Variants in CEP44 observed in about 807,000 individuals in gnomAD.
CEP44 encodes the protein centrosomal protein of 44 kDa.
In CEP44, 45 loss-of-function variants were observed where a neutral mutation model predicts 46.7. The observed-to-expected ratio is 0.96, with a 90% CI of 0.76 to 1.24. The LOEUF is 1.24. Among genes scored for constraint, CEP44 ranks in the 50% most tolerant of loss-of-function variants. The pLI, the probability that CEP44 is intolerant of heterozygous loss-of-function variation, is 0.00. For missense variants in CEP44, 475 were observed against 459.7 expected (o/e 1.03, Z -0.30); for synonymous variants, 142 against 146.0 (o/e 0.97, Z 0.20).
downstream of CEP44, among the ~76,000 whole-genome samples, chr4:174,322,444 A>G (rs1742383854): frequency 6.6e-6 from 1 of 152,056 alleles, no homozygotes; most frequent in Non-Finnish European, 1.5e-5. Flanking sequence ...CTCCCTCCAA[A>G]TAATGCCCCC....
rs70947423 is a variant in CEP44, at chr4:174,297,651, AGTGTGTGT to A, written c.-147-288_-147-281del. ...CTGAGATATAGGAAGAAACTTTATT[AGTGTGTGT>A]GTGTGTGTGTGTGTGTGTGTGTGTG... is the stretch of plus-strand genomic sequence containing the variant. On this transcript the variant is annotated intron_variant, in intron 1 of 11. Transcript: ENST00000503780. The surrounding 1 kb of genome is among the most constrained non-coding windows in gnomAD (Gnocchi z 4.3). 0.015 allele frequency among the ~76,000 whole-genome samples: 2,245 copies of A among 149,000 alleles called. 38 individuals are homozygous for A. Among genetic ancestry groups the A allele is most frequent in the African/African-American group, 0.045 (1,825 of 40,412 alleles).
chr4:174,317,098 A>G (rs1741818416), intron 11 of CEP44, among the ~76,000 whole-genome samples: 1 of 152,084 alleles, frequency 6.6e-6, no homozygotes. Flanking sequence ...ATAGAAAATT[A>G]TAATATTATT....
rs189229027 is a variant in CEP44 at position 174,326,021 on chromosome 4, A to G, written c.1087-5461A>G. 2.6e-5 allele frequency among the ~76,000 whole-genome samples: 4 copies of G among 152,238 alleles called. No homozygotes were observed. Among genetic ancestry groups the G allele is most frequent in the African/African-American group, 9.6e-5 (4 of 41,544 alleles). ...TTGGTCTTGCTCTTTTATCAAATCT[A>G]AAAATCTCTGGAATGTTTAGATTAT... On this transcript the variant is annotated intron_variant, in intron 8 of 8. Transcript: ENST00000426172. This position sits in a 1 kb window ranked among gnomAD's most constrained non-coding sequence, Gnocchi z 4.8.
At position 174,301,758 on chromosome 4, in the gene CEP44, G is replaced by A. The variant is rs528151390; in HGVS notation, c.90-281G>A. ...AGTAGTAGAAAATGGAGTAGATCACGTAAGACTAAGCTTTGGAAAATCAAT... is the reference window on the plus strand; with the variant it reads ...AGTAGTAGAAAATGGAGTAGATCACATAAGACTAAGCTTTGGAAAATCAAT... On this transcript the variant is annotated intron_variant, in intron 3 of 11. Transcript: ENST00000503780. The surrounding 1 kb of genome is among the most constrained non-coding windows in gnomAD (Gnocchi z 4.3). Among the ~76,000 whole-genome samples the A allele has an allele frequency of 3.3e-5, 5 of 152,242 alleles. No homozygotes were observed. Among genetic ancestry groups the A allele is most frequent in the African/African-American group, 7.2e-5 (3 of 41,554 alleles).
intron 11 of CEP44, 150 bp from the exon 12 acceptor site, chr4:174,317,185 C>A: frequency 2.9e-6 from 1 of 346,138 alleles, no homozygotes. Flanking sequence ...TCCCTCTGGT[C>A]ATACTTAAGT....
At chr4:174,295,544 T>G in intron 1 of CEP44, among the ~76,000 whole-genome samples, 1 of 124,110 alleles carries the variant, frequency 8.1e-6, no homozygotes, top group Non-Finnish European at 1.7e-5. Context: ...TCCCAGACGA[T>G]GGGCGGCCAG....
chr4:174,315,045 A>G (rs180693722), intron 9 of CEP44, among the ~76,000 whole-genome samples: 1 of 152,332 alleles, frequency 6.6e-6, no homozygotes, highest in East Asian at 1.9e-4. Context: ...GCCATTCTAC[A>G]GAGAAGAGCT....
chr4:174,326,896 C>T lies in CEP44; in HGVS notation c.1087-4586C>T, dbSNP rs186995834. On this transcript the variant is annotated intron_variant, in intron 8 of 8. Transcript: ENST00000426172. This position sits in a 1 kb window ranked among gnomAD's most constrained non-coding sequence, Gnocchi z 4.8. ...TTTTATCTTTGTTTCTTTATGGAAT[C>T]TGTCTTTTTTTACTTTGTCTGCTTT... Among the ~76,000 whole-genome samples, 6 of 151,900 alleles carry T rather than the reference C, an allele frequency of 3.9e-5. No individual in the cohort carries two copies. The highest frequency in any genetic ancestry group is 3.9e-4 in the Admixed American group (6 of 15,254).
At chr4:174,304,398 TGTTTAAGA>T in intron 6 of CEP44, 29 bp downstream of exon 6, 1 of 1,594,728 alleles carries the variant, frequency 6.3e-7, no homozygotes. Context: ...AATATCATAT[TGTTTAAGA>T]GTTATCTAAT....
In CEP44 at chr4:174,287,360, T is replaced by G. The variant is rs796759796; in HGVS notation, c.-148+3417T>G. On this transcript the variant is annotated intron_variant, in intron 1 of 11. Coordinates refer to ENST00000503780, the MANE Select transcript of CEP44 (RefSeq NM_001040157.3). The surrounding 1 kb of genome is among the most constrained non-coding windows in gnomAD (Gnocchi z 5.1). ...AAAATTAATGAGGGGGATTAATTAG[T>G]TTGGGATCTAAGACTTATTTGAGGT... 3.9e-5 allele frequency among the ~76,000 whole-genome samples: 6 copies of G among 152,200 alleles called. No individual in the cohort carries two copies. The highest frequency in any genetic ancestry group is 1.4e-4 in the African/African-American group (6 of 41,528).
chr4:174,306,831 G>C (rs964120231), intron 6 of CEP44, among the ~76,000 whole-genome samples: 18 of 151,990 alleles, frequency 1.2e-4, no homozygotes, highest in Middle Eastern at 3.2e-3. Flanking sequence ...GTCAAGCTGA[G>C]AACCAAATCA....
downstream of CEP44, among the ~76,000 whole-genome samples, chr4:174,321,951 G>A (rs528231015): frequency 2.1e-4 from 32 of 152,180 alleles, no homozygotes; most frequent in Non-Finnish European, 3.8e-4. Flanking sequence ...CAATCAATAT[G>A]TATCTTGCTT....
chr4:174,316,613 A>G lies in CEP44; in HGVS notation c.1124+46A>G, dbSNP rs367828273. The G allele has an allele frequency of 1.3e-4, 192 of 1,487,998 alleles. 1 individual carries two copies. The African/African-American group carries it at 2.5e-3, about 19-fold the overall frequency. The allele number at this position is 1,487,998 out of a possible 1,614,324, so 92.2% of individuals were successfully genotyped here. A position where few individuals can be genotyped will look rare whatever the true frequency, so the allele number is the denominator to read the frequency against. ...ACAGAAATTCATTTCTCTATAGGGA[A>G]TTGTATTGGATTACAGTATATATAG... On this transcript the variant is annotated intron_variant, in intron 11 of 11. Transcript: ENST00000503780.
rs1737654998 is a variant in CEP44, at chr4:174,287,061, G to A, written c.-148+3118G>A. Among the ~76,000 whole-genome samples, 1 of 152,176 alleles carries A rather than the reference G, an allele frequency of 6.6e-6. No homozygotes were observed. On this transcript the variant is annotated intron_variant, in intron 1 of 11. Transcript: ENST00000503780. This position sits in a 1 kb window ranked among gnomAD's most constrained non-coding sequence, Gnocchi z 5.1. ...GCAGGAGTTTGGGACCGATGACAGT[G>A]CAAAACATCTTGACTGACAATGGTG...
At chr4:174,307,633 G>A (rs1249670463) in intron 6 of CEP44, among the ~76,000 whole-genome samples, 2 of 152,146 alleles carry the variant, frequency 1.3e-5, no homozygotes, top group Admixed American at 1.3e-4. Flanking sequence ...GAACTAAAGA[G>A]CTTCTACACA....
chr4:174,331,845 A>T lies in CEP44; in HGVS notation c.*250A>T. On this transcript the variant is annotated 3_prime_UTR_variant, in exon 9 of 9. Transcript: ENST00000426172. The surrounding 1 kb of genome is among the most constrained non-coding windows in gnomAD (Gnocchi z 4.5). Reference sequence around the variant, plus strand: ...TGATAGCCCCTCACTCATATTTTTCATGTGGGTTTATAGCTTTCATATTTC... The same window carrying T: ...TGATAGCCCCTCACTCATATTTTTCTTGTGGGTTTATAGCTTTCATATTTC... The T allele has an allele frequency of 2.5e-6, 1 of 396,972 alleles. No homozygotes were observed. Among genetic ancestry groups the T allele is most frequent in the East Asian group, 3.9e-5 (1 of 25,634 alleles). The allele number at this position is 396,972 out of a possible 1,614,324, so 24.6% of individuals were successfully genotyped here. A position where few individuals can be genotyped will look rare whatever the true frequency, so the allele number is the denominator to read the frequency against.
In CEP44 at chr4:174,286,659, A is replaced by C. The variant is rs1006163631; in HGVS notation, c.-148+2716A>C. ...TTCTTAATCGTTTATATACCTATTT[A>C]TGACTCTTCTTTGGGAAAAATCTCC... On this transcript the variant is annotated intron_variant, in intron 1 of 11. Coordinates refer to ENST00000503780, the MANE Select transcript of CEP44 (RefSeq NM_001040157.3). This position sits in a 1 kb window ranked among gnomAD's most constrained non-coding sequence, Gnocchi z 5.2. Among the ~76,000 whole-genome samples, 1 of 152,198 alleles carries C rather than the reference A, an allele frequency of 6.6e-6. No individual in the cohort carries two copies. Among genetic ancestry groups the C allele is most frequent in the Admixed American group, 6.5e-5 (1 of 15,282 alleles).
At position 174,317,346 on chromosome 4, in the gene CEP44, C is replaced by G. The variant is rs917842827; in HGVS notation, c.1136C>G (p.Thr379Ser). Residue 379 changes from threonine to serine, a missense_variant, in exon 12 of 12, where the codon ACT becomes AGT. Physicochemically the swap from Thr to Ser is moderately conservative, Grantham distance 58. Coordinates refer to ENST00000503780, the MANE Select transcript of CEP44 (RefSeq NM_001040157.3). ...MERMKKMFEE[T>S]AELLKCPNHY... is the part of the protein sequence containing the mutation. The stretch of plus-strand genomic sequence containing the variant: ...TTATTATATTTCAGGTTTGAAGAAA[C>G]TGCAGAGTTACTGAAATGTCCAAAT... The G allele has an allele frequency of 8.7e-6, 12 of 1,384,472 alleles. No homozygotes were observed. Among genetic ancestry groups the G allele is most frequent in the African/African-American group, 1.4e-5 (1 of 69,182 alleles). The allele number at this position is 1,384,472 out of a possible 1,614,324, so 85.8% of individuals were successfully genotyped here. A position where few individuals can be genotyped will look rare whatever the true frequency, so the allele number is the denominator to read the frequency against.
At chr4:174,324,620 G>A (rs1390620626), downstream of CEP44, among the ~76,000 whole-genome samples, 1 of 152,114 alleles carries the variant, frequency 6.6e-6, no homozygotes, top group Non-Finnish European at 1.5e-5. Flanking sequence ...GTTATGTACT[G>A]TCTTGACATC....
Sources: allele counts gnomAD v4.1 joint callset (sites outside exome capture counted in the v4.1 genomes callset), GRCh38; gene constraint gnomAD v4.1.1; non-coding constraint Gnocchi (gnomAD v3.1); transcripts MANE v1.5; gene names NCBI Gene and HGNC (gene_info 2026-07-23, HGNC 2026-07-21).